Variants in AUTS2 observed in about 807,000 individuals in gnomAD.
AUTS2 encodes autism susceptibility gene 2 protein.
Under a neutral mutation model 112.4 loss-of-function variants are expected in AUTS2, and 17 were observed. The observed-to-expected ratio is 0.15, with a 90% CI of 0.10 to 0.23. AUTS2 has a LOEUF of 0.23. Among genes scored for constraint, AUTS2 ranks in the 10% least tolerant of loss-of-function variants. AUTS2 has a pLI of 1.00. For missense variants in AUTS2, 1,510 were observed against 1,701.6 expected (o/e 0.89, Z 1.98); for synonymous variants, 751 against 702.7 (o/e 1.07, Z -1.09).
chr7:70,256,114 C>A (rs2129605610), intron 4 of AUTS2, among the ~76,000 whole-genome samples: 1 of 152,288 alleles, frequency 6.6e-6, no homozygotes, highest in Non-Finnish European at 1.5e-5. Context: ...CTACACAGAG[C>A]ACTGATAATG....
chr7:70,713,952 G>C (rs1810208692), intron 6 of AUTS2, among the ~76,000 whole-genome samples: 1 of 151,380 alleles, frequency 6.6e-6, no homozygotes, highest in South Asian at 2.1e-4. Context: ...TTCTGATTCA[G>C]CGTGTCTGGG....
At chr7:70,296,031 G>T (rs896980160) in intron 4 of AUTS2, among the ~76,000 whole-genome samples, 1 of 151,892 alleles carries the variant, frequency 6.6e-6, no homozygotes, top group East Asian at 1.9e-4. Context: ...CCTTTCCTTC[G>T]TAATGACTAC....
At chr7:70,507,878 T>C (rs2116727733) in intron 5 of AUTS2, among the ~76,000 whole-genome samples, 1 of 152,386 alleles carries the variant, frequency 6.6e-6, no homozygotes, top group African/African-American at 2.4e-5. Context: ...AGTGTATGTG[T>C]ACACATGTGT....
chr7:70,596,126 G>C (rs865802836), intron 5 of AUTS2: 2 of 152,860 alleles, frequency 1.3e-5, no homozygotes, highest in Non-Finnish European at 2.9e-5. Context: ...GAGCTAATTA[G>C]GAGACGGTCA....
intron 2 of AUTS2, among the ~76,000 whole-genome samples, chr7:70,015,661 TA>T (rs1799994331): frequency 6.6e-6 from 1 of 152,216 alleles, no homozygotes; most frequent in African/African-American, 2.4e-5. Context: ...CTGTGAATAA[TA>T]CACAAACGAA....
At chr7:70,341,867 G>A (rs933396770) in intron 4 of AUTS2, among the ~76,000 whole-genome samples, 1 of 152,228 alleles carries the variant, frequency 6.6e-6, no homozygotes, top group African/African-American at 2.4e-5. Flanking sequence ...GCTGGAGAAG[G>A]TGTTTAGAAA....
chr7:70,148,836 A>G (rs1411018527), intron 4 of AUTS2, among the ~76,000 whole-genome samples: 3 of 152,152 alleles, frequency 2.0e-5, no homozygotes, highest in African/African-American at 4.8e-5. Flanking sequence ...AACAAAAATA[A>G]TGTAACGTAT....
intron 2 of AUTS2, among the ~76,000 whole-genome samples, chr7:70,117,114 TTTG>T (rs1467281421): frequency 1.6e-4 from 17 of 107,502 alleles, no homozygotes; most frequent in African/African-American, 3.2e-4. Flanking sequence ...GTTTTTTTTT[TTTG>T]TTTTTTTTTG....
intron 2 of AUTS2, among the ~76,000 whole-genome samples, chr7:69,964,120 A>G (rs1797537680): frequency 6.6e-6 from 1 of 152,160 alleles, no homozygotes; most frequent in Non-Finnish European, 1.5e-5. Flanking sequence ...CTGTTCCACT[A>G]TCCTACCATA....
intron 2 of AUTS2, among the ~76,000 whole-genome samples, chr7:70,077,025 A>G (rs1301120510): frequency 6.6e-6 from 1 of 152,194 alleles, no homozygotes; most frequent in Non-Finnish European, 1.5e-5. Flanking sequence ...GCTGTCATGT[A>G]GAAGAGGAAT....
chr7:70,734,037 C>T (rs564030340), intron 6 of AUTS2, among the ~76,000 whole-genome samples: 5 of 152,192 alleles, frequency 3.3e-5, no homozygotes, highest in South Asian at 2.1e-4. Context: ...CTTTGAACCC[C>T]GGCAACATGG....
Position 69,867,246 on chromosome 7 carries a change from C to T in AUTS2, c.310-32040C>T, listed in dbSNP as rs1255415512. Among the ~76,000 whole-genome samples the T allele has an allele frequency of 2.6e-5, 4 of 152,202 alleles. No individual in the cohort carries two copies. The East Asian group carries it at 7.7e-4, about 29-fold the overall frequency. ...AGATGGAGTTTGGGAGGCAGATAGG[C>T]CTTGAGGACTTGGTGGGAGTTTGTA... On this transcript the variant is annotated intron_variant, in intron 1 of 18. Coordinates refer to ENST00000342771, the MANE Select transcript of AUTS2 (RefSeq NM_015570.4).
chr7:70,388,000 A>C (rs1459280952), intron 4 of AUTS2, among the ~76,000 whole-genome samples: 2 of 152,078 alleles, frequency 1.3e-5, no homozygotes, highest in Non-Finnish European at 2.9e-5. Flanking sequence ...ATTATTTTCC[A>C]TTCCTTCATA....
chr7:70,148,230 T>TA (rs1200734005), intron 4 of AUTS2, among the ~76,000 whole-genome samples: 2 of 152,110 alleles, frequency 1.3e-5, no homozygotes, highest in Non-Finnish European at 2.9e-5. Context: ...TAAGAAGACT[T>TA]AGAGTTTTTG....
intron 5 of AUTS2, among the ~76,000 whole-genome samples, chr7:70,656,904 T>TATAC (rs57852677): frequency 0.14 from 21,794 of 152,030 alleles, 1,960 homozygotes; most frequent in African/African-American, 0.25. Flanking sequence ...CAAGCTAAGG[T>TATAC]GTATGGGTTT....
rs144479639 is a variant in AUTS2 at position 69,821,286 on chromosome 7, C to T, written c.310-78000C>T. ...GTCCTGAGAGGTGAAGCCAGCTGGA[C>T]GTCCTGGGTCGAGTGGGGACTTGGA... On this transcript the variant is annotated intron_variant, in intron 1 of 18. Transcript: ENST00000342771. Among the ~76,000 whole-genome samples, 242 of 152,210 alleles carry T rather than the reference C, an allele frequency of 1.6e-3. 4 individuals carry two copies. In the East Asian group the frequency reaches 0.038, roughly 24 times the overall value.
intron 4 of AUTS2, among the ~76,000 whole-genome samples, chr7:70,358,019 A>C (rs1007860056): frequency 1.3e-5 from 2 of 152,202 alleles, no homozygotes; most frequent in Non-Finnish European, 2.9e-5. Flanking sequence ...TAGTGGTCAC[A>C]GTCTACAGTC....
At chr7:70,468,987 A>G (rs1168437902) in intron 5 of AUTS2, among the ~76,000 whole-genome samples, 1 of 152,234 alleles carries the variant, frequency 6.6e-6, no homozygotes, top group African/African-American at 2.4e-5. Flanking sequence ...ACTCTGCCCT[A>G]TATAAAATAA....
chr7:70,047,340 C>T (rs942179213), intron 2 of AUTS2, among the ~76,000 whole-genome samples: 3 of 152,142 alleles, frequency 2.0e-5, no homozygotes, highest in African/African-American at 2.4e-5. Flanking sequence ...CTAACCCTCA[C>T]GGAGCTCACA....
Sources: gnomAD v4.1 joint callset for allele counts (sites outside exome capture counted in the v4.1 genomes callset) on GRCh38, gnomAD v4.1.1 for gene constraint, MANE v1.5 for transcripts, NCBI Gene and HGNC (gene_info 2026-07-23, HGNC 2026-07-21) for gene names.